GASK1A: variants seen among roughly 807,000 people sequenced by gnomAD.
GASK1A encodes golgi associated kinase 1A, also known as Golgi-associated kinase 1A.
GASK1A carries 40 observed loss-of-function variants against 41.2 expected under a neutral mutation model. That is an observed-to-expected ratio of 0.97 (90% CI 0.75 to 1.27). The LOEUF (loss-of-function observed/expected upper bound fraction) is 1.27. GASK1A is among the 50% of genes most tolerant of loss of function. The probability of loss-of-function intolerance (pLI) is 0.00; values close to 1 mark genes in which losing one functional copy is unlikely to be tolerated. For synonymous variants in GASK1A, 316 were observed against 307.1 expected, an observed-to-expected ratio of 1.03 and a Z score of -0.30; for missense variants, 678 against 745.1, an observed-to-expected ratio of 0.91 and a Z score of 1.05.
At chr3:43,055,331 C>A in intron 3 of GASK1A, 101 bp from the exon 4 acceptor site, 1 of 759,394 alleles carries the variant, frequency 1.3e-6, no homozygotes, top group Non-Finnish European at 2.2e-6. Flanking sequence ...GTGGGACTGA[C>A]AGCTCAGGGC....
intron 2 of GASK1A, among the ~76,000 whole-genome samples, chr3:43,043,790 T>G (rs2089649060): frequency 6.6e-6 from 1 of 152,248 alleles, no homozygotes; most frequent in Non-Finnish European, 1.5e-5. Flanking sequence ...TCATTTTTTC[T>G]TGGTATCTCT....
chr3:43,051,142 C>A (rs1214877011), intron 2 of GASK1A, among the ~76,000 whole-genome samples: 1 of 152,158 alleles, frequency 6.6e-6, no homozygotes, highest in Non-Finnish European at 1.5e-5. Flanking sequence ...AAATCAGATT[C>A]TTCTTTTCCC....
Position 43,033,222 on chromosome 3 carries a change from T to C in GASK1A, c.959T>C (p.Ile320Thr). Residue 320 changes from isoleucine to threonine, a missense_variant, in exon 2 of 5, where the codon ATC (isoleucine) becomes ACC (threonine). Coordinates refer to ENST00000430121, the MANE Select transcript of GASK1A (RefSeq NM_001129908.3). ...QLCSQGLCGL[I>T]KRPGDLPEVL... ...TGTTCCCAAGGGCTCTGTGGCCTGA[T>C]CAAGAGGCCTGGGGACCTGCCTGAG... The C allele has an allele frequency of 1.3e-6, 2 of 1,551,698 alleles. No homozygotes were observed. The highest frequency in any genetic ancestry group is 1.7e-6 in the Non-Finnish European group (2 of 1,146,984).
At position 43,057,693 on chromosome 3, in the gene GASK1A, A is replaced by G. The variant is rs533130822; in HGVS notation, c.*1307A>G. ...AATCTTTTCTCTGCTGACTTGGTATAAATGTTTTCTTCCAGCCTCTAATTT... is the reference window on the plus strand; with the variant it reads ...AATCTTTTCTCTGCTGACTTGGTATGAATGTTTTCTTCCAGCCTCTAATTT... On this transcript the variant is annotated 3_prime_UTR_variant, in exon 5 of 5. Coordinates refer to ENST00000430121, the MANE Select transcript of GASK1A (RefSeq NM_001129908.3). The G allele has an allele frequency of 1.3e-5, 2 of 152,254 alleles. No homozygotes were observed. The highest frequency in any genetic ancestry group is 6.5e-5 in the Admixed American group (1 of 15,296). 9.4% of individuals were successfully genotyped at this position (152,254 alleles called of 1,614,324 possible).
intron 1 of GASK1A, among the ~76,000 whole-genome samples, chr3:43,004,021 T>G (rs2125677692): frequency 6.6e-6 from 1 of 152,238 alleles, no homozygotes; most frequent in Non-Finnish European, 1.5e-5. Flanking sequence ...TCTATGAGGG[T>G]GTCGTTGTTT....
chr3:42,994,206 C>T (rs1001807128), intron 1 of GASK1A, among the ~76,000 whole-genome samples: 5 of 110,048 alleles, frequency 4.5e-5, no homozygotes, highest in Non-Finnish European at 1.0e-4. Context: ...CAAGCATGGT[C>T]CCAGGGGTCT....
rs1239025478 is a variant in GASK1A at position 43,033,243 on chromosome 3, C to T, written c.980C>T (p.Pro327Leu). The T allele has an allele frequency of 6.4e-7, 1 of 1,551,638 alleles. No individual in the cohort carries two copies. Among genetic ancestry groups the T allele is most frequent in the Non-Finnish European group, 8.7e-7 (1 of 1,147,014 alleles). The change falls in exon 2 of 5, where the codon CCT becomes CTT. Residue 327 changes from proline to leucine, a missense_variant. Pro to Leu is a moderately conservative substitution (Grantham distance 98). Transcript: ENST00000430121. Reference sequence around the variant, plus strand: ...CTGATCAAGAGGCCTGGGGACCTGCCTGAGGTCCTGTCCTTCCACGTAGAT... The same window carrying T: ...CTGATCAAGAGGCCTGGGGACCTGCTTGAGGTCCTGTCCTTCCACGTAGAT... ...CGLIKRPGDLPEVLSFHVDRV... is the reference protein window; with the variant it reads ...CGLIKRPGDLLEVLSFHVDRV...
chr3:43,051,943 G>A (rs1420020881), intron 2 of GASK1A, among the ~76,000 whole-genome samples: 2 of 152,052 alleles, frequency 1.3e-5, no homozygotes, highest in African/African-American at 4.8e-5. Context: ...GCAAAGATGG[G>A]ATCAGAGTGT....
In GASK1A at chr3:42,984,924, C is replaced by A. The variant is rs542578665; in HGVS notation, c.3+5279C>A. Among the ~76,000 whole-genome samples, 2 of 152,226 alleles carry A rather than the reference C, an allele frequency of 1.3e-5. No individual in the cohort carries two copies. Among genetic ancestry groups the A allele is most frequent in the South Asian group, 4.1e-4 (2 of 4,820 alleles). On this transcript the variant is annotated intron_variant, in intron 1 of 4. Transcript: ENST00000430121. This position sits in a 1 kb window ranked among gnomAD's most constrained non-coding sequence, Gnocchi z 4.2. ...GGTCATCGTTGTCTTGAGATACTCTCCAGGTGGGAAAGAGTTTTGGAGTGG... is the reference window on the plus strand; with the variant it reads ...GGTCATCGTTGTCTTGAGATACTCTACAGGTGGGAAAGAGTTTTGGAGTGG...
intron 1 of GASK1A, among the ~76,000 whole-genome samples, chr3:42,986,232 A>G (rs1318527806): frequency 6.6e-6 from 1 of 152,218 alleles, no homozygotes; most frequent in Non-Finnish European, 1.5e-5. Context: ...ACTGGGTTAC[A>G]TACTGTGGTA....
intron 1 of GASK1A, among the ~76,000 whole-genome samples, chr3:43,016,451 G>A (rs1345859018): frequency 6.6e-6 from 1 of 151,208 alleles, no homozygotes; most frequent in Non-Finnish European, 1.5e-5. Context: ...AGGAAGGGCA[G>A]TGTAAAGTCA....
At chr3:43,054,110 A>G in intron 3 of GASK1A, 1 of 284,100 alleles carries the variant, frequency 3.5e-6, no homozygotes, top group Non-Finnish European at 7.0e-6. Flanking sequence ...ACTAGAGTCC[A>G]GGGTGGGAAG....
chr3:43,048,907 C>T (rs1196898802), intron 2 of GASK1A, among the ~76,000 whole-genome samples: 1 of 152,132 alleles, frequency 6.6e-6, no homozygotes, highest in Non-Finnish European at 1.5e-5. Flanking sequence ...GGGCGCATCA[C>T]TTGGAGGGAG....
At chr3:43,031,114 G>A (rs2089573770) in intron 1 of GASK1A, among the ~76,000 whole-genome samples, 1 of 152,190 alleles carries the variant, frequency 6.6e-6, no homozygotes, top group Non-Finnish European at 1.5e-5. Flanking sequence ...ATATCTGGTG[G>A]ATTTAGTAAG....
intron 1 of GASK1A, among the ~76,000 whole-genome samples, chr3:43,017,853 A>C (rs2089501251): frequency 6.6e-6 from 1 of 151,590 alleles, no homozygotes; most frequent in Non-Finnish European, 1.5e-5. Flanking sequence ...GACTGTGTGA[A>C]GCCACAGGAA....
rs1559405106 is a variant in GASK1A, at chr3:43,033,495, G to A, written c.1232G>A (p.Cys411Tyr). 1.9e-6 allele frequency: 3 copies of A among 1,549,952 alleles called. No homozygotes were observed. Among genetic ancestry groups the A allele is most frequent in the Non-Finnish European group, 2.6e-6 (3 of 1,146,542 alleles). ...HSCNWPGQAP[C>Y]PGIHHTEWAR... The stretch of plus-strand genomic sequence containing the variant: ...TGCAACTGGCCAGGCCAGGCCCCGT[G>A]CCCGGGCATCCACCATACCGAGTGG... The change falls in exon 2 of 5, where the codon TGC becomes TAC. Residue 411 changes from cysteine to tyrosine, a missense_variant. By Grantham distance (194) the Cys-to-Tyr change is radical. Coordinates refer to ENST00000430121, the MANE Select transcript of GASK1A (RefSeq NM_001129908.3).
At chr3:42,999,244 T>C (rs1313033705) in intron 1 of GASK1A, among the ~76,000 whole-genome samples, 3 of 152,206 alleles carry the variant, frequency 2.0e-5, no homozygotes, top group Admixed American at 1.3e-4. Context: ...TGGAAGGCAA[T>C]GCGTGCATTG....
intron 1 of GASK1A, among the ~76,000 whole-genome samples, chr3:43,019,559 T>C (rs1177024780): frequency 1.3e-5 from 2 of 152,224 alleles, no homozygotes; most frequent in Admixed American, 1.3e-4. Flanking sequence ...AGCCATAGTT[T>C]TGTTGTGACA....
intron 1 of GASK1A, among the ~76,000 whole-genome samples, chr3:42,981,304 G>A (rs2089281717): frequency 6.6e-6 from 1 of 152,192 alleles, no homozygotes; most frequent in Admixed American, 6.5e-5. Flanking sequence ...CCATCTGAAT[G>A]AAGGGTCTTG....
Sources: gnomAD v4.1 joint callset for allele counts (sites outside exome capture counted in the v4.1 genomes callset) on GRCh38, gnomAD v4.1.1 for gene constraint, Gnocchi (gnomAD v3.1) non-coding constraint, MANE v1.5 for transcripts, NCBI Gene and HGNC (gene_info 2026-07-23, HGNC 2026-07-21) for gene names.